The following PLEKHG1 variants were observed in gnomAD, a reference collection of about 807,000 sequenced individuals.
The protein encoded by PLEKHG1 is pleckstrin homology domain-containing family G member 1.
PLEKHG1 carries 44 observed loss-of-function variants against 100.8 expected under a neutral mutation model. The observed-to-expected ratio is 0.44, with a 90% confidence interval of 0.34 to 0.56. The LOEUF is 0.56. PLEKHG1 is among the 20% of genes least tolerant of loss of function. PLEKHG1 has a pLI of 0.01. For missense variants in PLEKHG1, 1,545 were observed against 1,720.9 expected (o/e 0.90, Z 1.81); for synonymous variants, 640 against 662.5 (o/e 0.97, Z 0.52).
intron 3 of PLEKHG1, among the ~76,000 whole-genome samples, chr6:150,781,614 A>T (rs1366243776): frequency 6.6e-6 from 1 of 152,118 alleles, no homozygotes; most frequent in African/African-American, 2.4e-5. Context: ...TTTTTTTTAA[A>T]CGGGAAAAGA....
intron 2 of PLEKHG1, among the ~76,000 whole-genome samples, chr6:150,760,583 C>T (rs997370649): frequency 1.4e-5 from 2 of 147,168 alleles, no homozygotes; most frequent in Non-Finnish European, 3.0e-5. Context: ...TCTTCGAAGA[C>T]TTTGTATTTA....
chr6:150,689,646 T>C (rs1780268690), intron 3 of PLEKHG1, among the ~76,000 whole-genome samples: 1 of 152,142 alleles, frequency 6.6e-6, no homozygotes. Context: ...GTGGGTCACC[T>C]GAGGTCAGGA....
intron 2 of PLEKHG1, among the ~76,000 whole-genome samples, chr6:150,650,023 TAAATAA>T (rs1421692357): frequency 8.1e-5 from 4 of 49,414 alleles, no homozygotes; most frequent in Non-Finnish European, 1.9e-4. Context: ...AAAAAATAAA[TAAATAA>T]AAATAAAGAC....
chr6:150,707,251 A>G (rs1357955664), intron 3 of PLEKHG1, among the ~76,000 whole-genome samples: 2 of 151,116 alleles, frequency 1.3e-5, no homozygotes, highest in East Asian at 3.9e-4. Flanking sequence ...TGATCCACCT[A>G]CCTCAGCCTC....
chr6:150,718,393 G>A (rs1242958611), upstream of PLEKHG1, among the ~76,000 whole-genome samples: 1 of 151,966 alleles, frequency 6.6e-6, no homozygotes, highest in African/African-American at 2.4e-5. Context: ...ATACTGAAGT[G>A]TAGAAGGCGC....
intron 2 of PLEKHG1, among the ~76,000 whole-genome samples, chr6:150,644,194 A>T (rs1053194105): frequency 6.6e-6 from 1 of 151,930 alleles, no homozygotes; most frequent in East Asian, 1.9e-4. Flanking sequence ...TAGCTGGTGG[A>T]TTTTCTTGCT....
chr6:150,608,363 A>G (rs753863198), intron 1 of PLEKHG1, among the ~76,000 whole-genome samples: 3 of 152,224 alleles, frequency 2.0e-5, no homozygotes, highest in African/African-American at 7.2e-5. Flanking sequence ...GTTTTGCCCT[A>G]TGATCTGTCA....
At chr6:150,819,457 C>T (rs746422982) in intron 11 of PLEKHG1, among the ~76,000 whole-genome samples, 14 of 151,860 alleles carry the variant, frequency 9.2e-5, no homozygotes, top group Admixed American at 3.3e-4. Flanking sequence ...CTCAGCTTCT[C>T]GGGAGGCTGA....
chr6:150,780,698 A>T (rs1408977979), intron 3 of PLEKHG1, among the ~76,000 whole-genome samples: 1 of 152,192 alleles, frequency 6.6e-6, no homozygotes, highest in Non-Finnish European at 1.5e-5. Flanking sequence ...AAATATAGTA[A>T]TTCTCAATTG....
At chr6:150,641,061 T>G (rs1778236789) in intron 2 of PLEKHG1, among the ~76,000 whole-genome samples, 1 of 152,082 alleles carries the variant, frequency 6.6e-6, no homozygotes, top group Admixed American at 6.5e-5. Context: ...TGCCCTTTGA[T>G]CTGGGCTTAA....
chr6:150,626,800 C>T lies in PLEKHG1; in HGVS notation c.-203-11280C>T, dbSNP rs1048120478. On this transcript the variant is annotated intron_variant, in intron 1 of 3. Transcript: ENST00000367326. Reference sequence around the variant, plus strand: ...AGTTCCATTCCATTTGCATACCACACTGTGTGTGTGTATGTGTATGTGTGT... The same window carrying T: ...AGTTCCATTCCATTTGCATACCACATTGTGTGTGTGTATGTGTATGTGTGT... 2.0e-5 allele frequency among the ~76,000 whole-genome samples: 3 copies of T among 152,088 alleles called. No homozygotes were observed. The East Asian group carries it at 5.8e-4, about 29-fold the overall frequency.
rs1298549855 is a variant in PLEKHG1 at position 150,722,357 on chromosome 6, T to C, written c.-99+1157T>C. On this transcript the variant is annotated intron_variant, in intron 1 of 15. Coordinates refer to ENST00000358517, the Ensembl canonical transcript of PLEKHG1. ...TTTTTTCTTTTTCTTTTCTTTTTTT[T>C]TTTTTTTTTTTTTTGAGACTGAGTC... Among the ~76,000 whole-genome samples the C allele has an allele frequency of 1.7e-3, 237 of 140,616 alleles. 6 individuals carry two copies. The South Asian group carries it at 0.043, about 25-fold the overall frequency. 92.2% of individuals were successfully genotyped at this position (140,616 alleles called of 152,430 possible). A position where few individuals can be genotyped will look rare whatever the true frequency, so the allele number is the denominator to read the frequency against.
At chr6:150,687,738 C>T (rs59155780) in intron 3 of PLEKHG1, among the ~76,000 whole-genome samples, 1 of 152,000 alleles carries the variant, frequency 6.6e-6, no homozygotes, top group African/African-American at 2.4e-5. Flanking sequence ...GCCTGCTGCC[C>T]CTCCATGCTC....
intron 1 of PLEKHG1, among the ~76,000 whole-genome samples, chr6:150,614,068 A>C (rs1262564123): frequency 6.6e-6 from 1 of 152,256 alleles, no homozygotes; most frequent in African/African-American, 2.4e-5. Context: ...GTATTTGGAA[A>C]GTTATTTTTG....
intron 3 of PLEKHG1, among the ~76,000 whole-genome samples, chr6:150,674,682 T>TCTCTCTCTCTCTCTCTCCCC (rs1455673564): frequency 9.6e-6 from 1 of 104,234 alleles, no homozygotes; most frequent in African/African-American, 3.5e-5. Context: ...TCTCTCTCTC[T>TCTCTCTCTCTCTCTCTCCCC]CCCCCCTCTT....
At chr6:150,833,223 G>A (rs1455668645) in intron 15 of PLEKHG1, among the ~76,000 whole-genome samples, 1 of 150,282 alleles carries the variant, frequency 6.7e-6, no homozygotes, top group African/African-American at 2.4e-5. Flanking sequence ...TTTTGTGTGT[G>A]TGGTTTTTTT....
intron 3 of PLEKHG1, among the ~76,000 whole-genome samples, chr6:150,673,925 G>A (rs935497458): frequency 5.3e-5 from 8 of 152,010 alleles, no homozygotes; most frequent in African/African-American, 1.7e-4. Flanking sequence ...TTGGCCTCCC[G>A]AAGTGCTGCA....
intron 10 of PLEKHG1, among the ~76,000 whole-genome samples, chr6:150,809,985 A>G (rs1787395090): frequency 6.6e-6 from 1 of 151,814 alleles, no homozygotes; most frequent in African/African-American, 2.4e-5. Context: ...AGGCATCCTG[A>G]TAGGATAAAT....
At chr6:150,688,827 CA>C (rs913803721) in intron 3 of PLEKHG1, among the ~76,000 whole-genome samples, 98 of 152,228 alleles carry the variant, frequency 6.4e-4, no homozygotes, top group African/African-American at 2.3e-3. Flanking sequence ...TTAAAGTGTA[CA>C]ATTCAATGGT....
Sources: allele counts gnomAD v4.1 joint callset (sites outside exome capture counted in the v4.1 genomes callset), GRCh38; gene constraint gnomAD v4.1.1; transcripts MANE v1.5; gene names NCBI Gene and HGNC (gene_info 2026-07-23, HGNC 2026-07-21).